Variants in MTSS1 observed in about 807,000 individuals in gnomAD.
The protein encoded by MTSS1 is protein MTSS 1.
Under a neutral mutation model 79.0 loss-of-function variants are expected in MTSS1, and 18 were observed. The observed-to-expected ratio is 0.23, with a 90% CI of 0.16 to 0.34. The LOEUF is 0.34. MTSS1 is among the 10% of genes least tolerant of loss of function. The pLI, the probability that MTSS1 is intolerant of heterozygous loss-of-function variation, is 1.00. For synonymous variants in MTSS1, 341 were observed against 368.6 expected (o/e 0.93, Z 0.86); for missense variants, 815 against 986.2 (o/e 0.83, Z 2.33).
chr8:124,726,085 G>A (rs746193319), intron 1 of MTSS1, among the ~76,000 whole-genome samples: 3 of 152,102 alleles, frequency 2.0e-5, no homozygotes, highest in East Asian at 3.8e-4. Flanking sequence ...TCTAGATTCC[G>A]CCGTGACTGG....
intron 3 of MTSS1, among the ~76,000 whole-genome samples, chr8:124,696,851 CAAA>C (rs35766199): frequency 3.9e-5 from 5 of 129,130 alleles, no homozygotes; most frequent in Admixed American, 7.9e-5. Flanking sequence ...GAGTCCGTCT[CAAA>C]AAAAAAAAAA....
chr8:124,601,000 C>CCGTT (rs935599676), intron 3 of MTSS1, among the ~76,000 whole-genome samples: 4 of 151,958 alleles, frequency 2.6e-5, no homozygotes, highest in African/African-American at 9.7e-5. Context: ...AACAGGAAGG[C>CCGTT]CGTTGCCCTT....
intron 3 of MTSS1, among the ~76,000 whole-genome samples, chr8:124,600,438 T>C (rs1587147410): frequency 6.6e-6 from 1 of 152,380 alleles, no homozygotes; most frequent in South Asian, 2.1e-4. Context: ...TGGTGAAGCC[T>C]ACAACCCAGG....
At chr8:124,562,266 T>C (rs1825503074) in intron 10 of MTSS1, among the ~76,000 whole-genome samples, 1 of 152,170 alleles carries the variant, frequency 6.6e-6, no homozygotes, top group South Asian at 2.1e-4. Context: ...CCTTCCAGAA[T>C]CTAAGTGCCA....
rs969223935 is a variant in MTSS1, at chr8:124,597,397, T to A, written c.209-6162A>T. Among the ~76,000 whole-genome samples, 1 of 152,132 alleles carries A rather than the reference T, an allele frequency of 6.6e-6. No homozygotes were observed. The highest frequency in any genetic ancestry group is 1.5e-5 in the Non-Finnish European group (1 of 68,032). ...TCCCAGCTGAGGACAAAGAGGCACATTAAAGTCACAAACAGAATACAAATT... is the reference window on the plus strand; with the variant it reads ...TCCCAGCTGAGGACAAAGAGGCACAATAAAGTCACAAACAGAATACAAATT... On this transcript the variant is annotated intron_variant, in intron 3 of 13. Coordinates refer to ENST00000518547, the MANE Select transcript of MTSS1 (RefSeq NM_014751.6). The surrounding 1 kb of genome is among the most constrained non-coding windows in gnomAD (Gnocchi z 4.6).
At chr8:124,579,593 T>A (rs777052784) in intron 6 of MTSS1, 2 of 152,202 alleles carry the variant, frequency 1.3e-5, no homozygotes, top group Non-Finnish European at 2.9e-5. Flanking sequence ...CTAGAAACTG[T>A]GCAAGCTGTT....
intron 3 of MTSS1, among the ~76,000 whole-genome samples, chr8:124,681,503 C>G (rs1007188674): frequency 1.3e-5 from 2 of 152,208 alleles, no homozygotes; most frequent in African/African-American, 4.8e-5. Flanking sequence ...AAAACTGCCT[C>G]CTGGCTGGGC....
chr8:124,635,068 G>C (rs935065084), intron 3 of MTSS1, among the ~76,000 whole-genome samples: 2 of 152,220 alleles, frequency 1.3e-5, no homozygotes, highest in East Asian at 3.8e-4. Flanking sequence ...TATTGTAAGA[G>C]TTAACGCTCA....
At chr8:124,674,016 G>C (rs1824801591) in intron 3 of MTSS1, among the ~76,000 whole-genome samples, 1 of 152,146 alleles carries the variant, frequency 6.6e-6, no homozygotes, top group Admixed American at 6.5e-5. Context: ...AGGGTGGAAG[G>C]GGCTCCAAAC....
At chr8:124,613,153 G>C (rs897848955) in intron 3 of MTSS1, among the ~76,000 whole-genome samples, 1 of 152,158 alleles carries the variant, frequency 6.6e-6, no homozygotes, top group Admixed American at 6.5e-5. Context: ...GCAACCCACC[G>C]AACAGGAGTA....
At chr8:124,661,269 C>G (rs371215619) in intron 3 of MTSS1, among the ~76,000 whole-genome samples, 1 of 151,432 alleles carries the variant, frequency 6.6e-6, no homozygotes, top group African/African-American at 2.4e-5. Flanking sequence ...TCCCCATACA[C>G]GCACTACCCA....
chr8:124,629,804 T>C (rs1382318654), intron 3 of MTSS1, among the ~76,000 whole-genome samples: 2 of 152,164 alleles, frequency 1.3e-5, no homozygotes, highest in Non-Finnish European at 2.9e-5. Context: ...CCCCCCTCCA[T>C]CTGGGAAGAA....
rs932645715 is a variant in MTSS1, at chr8:124,551,466, A to G, written c.*1526T>C. On this transcript the variant is annotated 3_prime_UTR_variant, in exon 14 of 14. Transcript: ENST00000518547. ...ATACGGTACGTTACTCTCACATCCA[A>G]TGCAGTTATGTGTTAAAGCATAAGA... 5 of 152,756 alleles carry G rather than the reference A, an allele frequency of 3.3e-5. No homozygotes were observed. The highest frequency in any genetic ancestry group is 9.6e-5 in the African/African-American group (4 of 41,550). 9.5% of individuals were successfully genotyped at this position (152,756 alleles called of 1,614,324 possible).
intron 3 of MTSS1, among the ~76,000 whole-genome samples, chr8:124,598,782 G>T (rs1047458147): frequency 2.0e-5 from 3 of 152,194 alleles, no homozygotes; most frequent in Non-Finnish European, 4.4e-5. Flanking sequence ...TTCAACTAGG[G>T]GCAGCTTGTG....
intron 11 of MTSS1, among the ~76,000 whole-genome samples, chr8:124,556,960 C>T (rs1394995189): frequency 6.6e-6 from 1 of 152,238 alleles, no homozygotes; most frequent in African/African-American, 2.4e-5. Flanking sequence ...GAGGCCCACA[C>T]CGCCTGTGAG....
At chr8:124,703,104 A>G (rs578004825) in intron 2 of MTSS1, among the ~76,000 whole-genome samples, 1 of 152,198 alleles carries the variant, frequency 6.6e-6, no homozygotes, top group Non-Finnish European at 1.5e-5. Flanking sequence ...TTGCACAATC[A>G]TCACCGCAAT....
chr8:124,649,475 G>T (rs1404995474), intron 3 of MTSS1, among the ~76,000 whole-genome samples: 1 of 152,020 alleles, frequency 6.6e-6, no homozygotes, highest in African/African-American at 2.4e-5. Context: ...CATGACCCTG[G>T]CGAGCCTTGG....
At chr8:124,717,736 C>T (rs1832303128) in intron 1 of MTSS1, among the ~76,000 whole-genome samples, 1 of 152,034 alleles carries the variant, frequency 6.6e-6, no homozygotes, top group Admixed American at 6.6e-5. Flanking sequence ...AGAAAAACAG[C>T]AACAGTGCTT....
chr8:124,648,008 C>T (rs1319147906), intron 3 of MTSS1, among the ~76,000 whole-genome samples: 2 of 152,170 alleles, frequency 1.3e-5, no homozygotes, highest in Non-Finnish European at 2.9e-5. Context: ...ATACAGTTTA[C>T]CAGCAGGCCT....
Sources: allele counts gnomAD v4.1 joint callset (sites outside exome capture counted in the v4.1 genomes callset), GRCh38; gene constraint gnomAD v4.1.1; non-coding constraint Gnocchi (gnomAD v3.1); transcripts MANE v1.5; gene names NCBI Gene and HGNC (gene_info 2026-07-23, HGNC 2026-07-21).